Variants in CNBD1 observed in about 807,000 individuals in gnomAD.
CNBD1 encodes cyclic nucleotide binding domain containing 1.
Under a neutral mutation model 54.4 loss-of-function variants are expected in CNBD1, and 71 were observed. The ratio of observed to expected loss-of-function variants is 1.30; its 90% confidence interval spans 1.08 to 1.59. CNBD1 has a LOEUF of 1.59. CNBD1 is among the 40% of genes most tolerant of loss of function. CNBD1 has a pLI of 0.00. For synonymous variants in CNBD1, 182 were observed against 170.7 expected, an observed-to-expected ratio of 1.07 and a Z score of -0.51; for missense variants, 659 against 518.0, an observed-to-expected ratio of 1.27 and a Z score of -2.64.
chr8:86,937,443 C>T (rs1166458526), intron 3 of CNBD1, among the ~76,000 whole-genome samples: 1 of 152,060 alleles, frequency 6.6e-6, no homozygotes, highest in African/African-American at 2.4e-5. Flanking sequence ...CCAACAGTCC[C>T]CCAAAGTCTT....
In CNBD1 at chr8:87,176,094, G is replaced by A. The variant is rs898300347; in HGVS notation, c.432-29899G>A. On this transcript the variant is annotated intron_variant, in intron 4 of 10. Coordinates refer to ENST00000518476, the MANE Select transcript of CNBD1 (RefSeq NM_173538.3). ...TGACCGCTGCAGGGGCAGGGTGGGT[G>A]ATGGGAGGGGTTGGCATTGACAATT... 1.6e-4 allele frequency among the ~76,000 whole-genome samples: 24 copies of A among 152,348 alleles called. No individual in the cohort carries two copies. The East Asian group carries it at 4.4e-3, about 28-fold the overall frequency.
chr8:86,963,758 C>T (rs1343913252), intron 4 of CNBD1, among the ~76,000 whole-genome samples: 1 of 152,110 alleles, frequency 6.6e-6, no homozygotes, highest in Non-Finnish European at 1.5e-5. Context: ...AGGAGGAGGT[C>T]CAACCTCCTT....
intron 4 of CNBD1, among the ~76,000 whole-genome samples, chr8:87,142,232 A>T (rs1347820001): frequency 1.3e-5 from 2 of 152,172 alleles, no homozygotes; most frequent in African/African-American, 2.4e-5. Context: ...CAAATAAGAA[A>T]GACTGCTATT....
rs935629227 is a variant in CNBD1 at position 87,414,720 on chromosome 8, A to G, written c.214-13826A>G. Among the ~76,000 whole-genome samples the G allele has an allele frequency of 7.4e-4, 113 of 152,166 alleles. 1 individual carries two copies. Among genetic ancestry groups the G allele is most frequent in the African/African-American group, 2.6e-3 (107 of 41,536 alleles). On this transcript the variant is annotated intron_variant, in intron 2 of 7. Transcript: ENST00000521593. ...TCCTTGTTATGTATTTTTCTTTATA[A>G]CTTTTAGTTTGTTTCAAAATTACTG...
At chr8:86,931,329 T>C (rs959871569) in intron 3 of CNBD1, among the ~76,000 whole-genome samples, 1 of 152,176 alleles carries the variant, frequency 6.6e-6, no homozygotes, top group Admixed American at 6.5e-5. Flanking sequence ...GAGCTGGCAC[T>C]TGCCCTGAGG....
intron 4 of CNBD1, among the ~76,000 whole-genome samples, chr8:87,127,488 A>G (rs1316900485): frequency 6.6e-6 from 1 of 152,164 alleles, no homozygotes; most frequent in Non-Finnish European, 1.5e-5. Context: ...AAATTGATTT[A>G]TGTGTATTAA....
chr8:86,917,110 T>A (rs904752072), intron 3 of CNBD1, among the ~76,000 whole-genome samples: 3 of 151,488 alleles, frequency 2.0e-5, no homozygotes, highest in African/African-American at 7.3e-5. Flanking sequence ...GACATTGTGA[T>A]CCAGCCTGGT....
chr8:87,184,913 A>G (rs775395657), intron 4 of CNBD1, among the ~76,000 whole-genome samples: 6 of 152,018 alleles, frequency 3.9e-5, no homozygotes, highest in Non-Finnish European at 7.4e-5. Context: ...CCAAGTTTTA[A>G]TATGTTGCAT....
chr8:86,874,927 C>T (rs1015371787), intron 1 of CNBD1, among the ~76,000 whole-genome samples: 5 of 148,660 alleles, frequency 3.4e-5, no homozygotes, highest in African/African-American at 1.2e-4. Flanking sequence ...CTCCCAGGCC[C>T]TCTCAGTGGA....
chr8:87,224,806 G>T (rs1394588957), intron 5 of CNBD1, among the ~76,000 whole-genome samples: 1 of 150,546 alleles, frequency 6.6e-6, no homozygotes, highest in Non-Finnish European at 1.5e-5. Context: ...TGATGGGGAT[G>T]GCATTGAATC....
chr8:87,124,018 T>C lies in CNBD1; in HGVS notation c.432-81975T>C, dbSNP rs181678649. ...TTCAATTAAAAGAAAACATCCTTGATTGGATGGCTTCACTGCTAAATTCAC... is the reference window on the plus strand; with the variant it reads ...TTCAATTAAAAGAAAACATCCTTGACTGGATGGCTTCACTGCTAAATTCAC... On this transcript the variant is annotated intron_variant, in intron 4 of 10. Coordinates refer to ENST00000518476, the MANE Select transcript of CNBD1 (RefSeq NM_173538.3). 3.2e-4 allele frequency among the ~76,000 whole-genome samples: 49 copies of C among 151,750 alleles called. No homozygotes were observed. The East Asian group carries it at 8.9e-3, about 28-fold the overall frequency.
intron 4 of CNBD1, among the ~76,000 whole-genome samples, chr8:87,083,183 A>G (rs1275480013): frequency 2.0e-5 from 3 of 152,198 alleles, no homozygotes; most frequent in East Asian, 3.9e-4. Context: ...AAAATATTTT[A>G]TTCCCAAACA....
At chr8:87,323,921 A>G (rs890746636) in intron 8 of CNBD1, among the ~76,000 whole-genome samples, 2 of 138,358 alleles carry the variant, frequency 1.4e-5, no homozygotes, top group African/African-American at 2.7e-5. Context: ...CCCATTCAGT[A>G]TGATATTGGC....
chr8:86,953,790 C>T (rs145701644), intron 4 of CNBD1, among the ~76,000 whole-genome samples: 5,433 of 152,088 alleles, frequency 0.036, 122 homozygotes, highest in Non-Finnish European at 0.053. Flanking sequence ...TCACTTGAAC[C>T]CAGGAGGTGG....
At chr8:87,058,566 TTCTTG>T (rs1810474389) in intron 4 of CNBD1, among the ~76,000 whole-genome samples, 1 of 152,206 alleles carries the variant, frequency 6.6e-6, no homozygotes, top group African/African-American at 2.4e-5. Context: ...CAAACCTCAA[TTCTTG>T]TCTTCTGCAC....
intron 10 of CNBD1, among the ~76,000 whole-genome samples, chr8:87,364,256 A>T (rs1810590464): frequency 6.6e-6 from 1 of 151,454 alleles, no homozygotes; most frequent in Non-Finnish European, 1.5e-5. Context: ...CACACATCTA[A>T]TGTGTGGAAA....
In CNBD1 at chr8:87,237,043, C is replaced by G. The variant is rs1341659045; in HGVS notation, c.702C>G (p.Ser234Arg). 6.2e-7 allele frequency: 1 copy of G among 1,611,768 alleles called. No homozygotes were observed. Among genetic ancestry groups the G allele is most frequent in the Non-Finnish European group, 8.5e-7 (1 of 1,178,444 alleles). Reference sequence around the variant, plus strand: ...CGTTCATATCTCAGAGTTTCCACAGCTTCATTTGGAGTGAAGAATTCAAAA... The same window carrying G: ...CGTTCATATCTCAGAGTTTCCACAGGTTCATTTGGAGTGAAGAATTCAAAA... ...PDSFISQSFH[S>R]FIWSEEFKNS... Residue 234 changes from serine (S) to arginine (R), a missense_variant, in exon 6 of 11, where the codon AGC (serine) becomes AGG (arginine). Ser to Arg is a moderately radical substitution (Grantham distance 110). Coordinates refer to ENST00000518476, the MANE Select transcript of CNBD1 (RefSeq NM_173538.3).
chr8:87,056,289 G>T (rs1385031208), intron 4 of CNBD1, among the ~76,000 whole-genome samples: 4 of 152,248 alleles, frequency 2.6e-5, no homozygotes, highest in South Asian at 4.1e-4. Flanking sequence ...CACACTGCTG[G>T]GCTGGGAGAT....
intron 2 of CNBD1, among the ~76,000 whole-genome samples, chr8:86,891,425 A>G (rs544293622): frequency 1.3e-5 from 2 of 152,144 alleles, no homozygotes; most frequent in East Asian, 3.9e-4. Context: ...TGGGTTTTCT[A>G]TCCTGTTCCA....
Sources: allele counts gnomAD v4.1 joint callset (sites outside exome capture counted in the v4.1 genomes callset), GRCh38; gene constraint gnomAD v4.1.1; transcripts MANE v1.5; gene names NCBI Gene and HGNC (gene_info 2026-07-23, HGNC 2026-07-21).